TMEM156: variants seen among roughly 807,000 people sequenced by gnomAD.
TMEM156 encodes the protein transmembrane protein 156.
In TMEM156, 28 loss-of-function variants were observed where a neutral mutation model predicts 30.5. The observed-to-expected ratio is 0.92, with a 90% CI of 0.68 to 1.26. The LOEUF (loss-of-function observed/expected upper bound fraction) is 1.26. Among genes scored for constraint, TMEM156 ranks in the 50% most tolerant of loss-of-function variants. TMEM156 has a pLI of 0.00. For synonymous variants in TMEM156, 137 were observed against 119.9 expected (o/e 1.14, Z -0.93); for missense variants, 351 against 340.6 (o/e 1.03, Z -0.24).
chr4:39,021,629 A>G (rs1016508073), intron 1 of TMEM156, among the ~76,000 whole-genome samples: 3 of 152,176 alleles, frequency 2.0e-5, no homozygotes, highest in Non-Finnish European at 4.4e-5. Context: ...GCTATGCAGA[A>G]GATTTTTAGT....
At chr4:38,994,372 C>A (rs1712771138) in intron 2 of TMEM156, among the ~76,000 whole-genome samples, 1 of 152,152 alleles carries the variant, frequency 6.6e-6, no homozygotes, top group Admixed American at 6.6e-5. Flanking sequence ...GGGATCCTCC[C>A]TCCTCAGACT....
chr4:39,025,012 T>TA (rs1715107585), intron 1 of TMEM156, among the ~76,000 whole-genome samples: 2 of 152,314 alleles, frequency 1.3e-5, no homozygotes, highest in Admixed American at 6.5e-5. Flanking sequence ...AGACATTCAT[T>TA]AACATATGAT....
intron 1 of TMEM156, among the ~76,000 whole-genome samples, chr4:39,021,052 T>C (rs750101233): frequency 6.6e-6 from 1 of 152,250 alleles, no homozygotes; most frequent in African/African-American, 2.4e-5. Context: ...ATTTCCCTGA[T>C]GATTAGCGAT....
chr4:38,969,812 C>A (rs953856227), intron 6 of TMEM156, among the ~76,000 whole-genome samples: 1 of 152,106 alleles, frequency 6.6e-6, no homozygotes, highest in African/African-American at 2.4e-5. Flanking sequence ...AGGCTGGTCT[C>A]GAACCCCTGA....
chr4:38,989,734 A>G (rs1292890124), intron 3 of TMEM156, among the ~76,000 whole-genome samples: 2 of 152,198 alleles, frequency 1.3e-5, no homozygotes, highest in Non-Finnish European at 2.9e-5. Context: ...GGGTGGCATC[A>G]TCATAGCTAA....
At chr4:38,982,683 G>A (rs988872640) in intron 5 of TMEM156, among the ~76,000 whole-genome samples, 84 of 152,210 alleles carry the variant, frequency 5.5e-4, no homozygotes, top group African/African-American at 1.8e-3. Flanking sequence ...GAAGATGATA[G>A]TTAAATGAAT....
intron 1 of TMEM156, among the ~76,000 whole-genome samples, chr4:39,015,304 G>C (rs1202355331): frequency 6.6e-6 from 1 of 152,176 alleles, no homozygotes; most frequent in African/African-American, 2.4e-5. Flanking sequence ...AATTCAGGTT[G>C]TTAATCAGCT....
chr4:38,967,121 A>G lies in TMEM156; in HGVS notation c.*559T>C, dbSNP rs1722382882. 2 of 152,268 alleles carry G rather than the reference A, an allele frequency of 1.3e-5. No individual in the cohort carries two copies. Among genetic ancestry groups the G allele is most frequent in the Non-Finnish European group, 2.9e-5 (2 of 68,026 alleles). The allele number at this position is 152,268 out of a possible 1,614,324, so 9.4% of individuals were successfully genotyped here. On this transcript the variant is annotated 3_prime_UTR_variant, in exon 7 of 7. Coordinates refer to ENST00000381938, the MANE Select transcript of TMEM156 (RefSeq NM_024943.3). Reference sequence around the variant, plus strand: ...GGCCTCTTTGAATTTTTTTAAAAACATCCTGGTGCTAAAAGGCAGCAAGAT... The same window carrying G: ...GGCCTCTTTGAATTTTTTTAAAAACGTCCTGGTGCTAAAAGGCAGCAAGAT...
chr4:39,016,820 C>A (rs940777520), intron 1 of TMEM156, among the ~76,000 whole-genome samples: 1 of 151,996 alleles, frequency 6.6e-6, no homozygotes, highest in Non-Finnish European at 1.5e-5. Flanking sequence ...TCTATTCTCA[C>A]GCTGCTAATA....
chr4:39,012,182 T>C (rs1053380134), intron 1 of TMEM156, among the ~76,000 whole-genome samples: 1 of 152,300 alleles, frequency 6.6e-6, no homozygotes, highest in East Asian at 1.9e-4. Context: ...AAAAATGATA[T>C]AGTACTTAAA....
intron 1 of TMEM156, 73 bp from the exon 2 acceptor site, chr4:38,998,982 T>C: frequency 1.5e-6 from 2 of 1,364,052 alleles, no homozygotes; most frequent in South Asian, 1.5e-5. Flanking sequence ...AAATACACAG[T>C]ATGCTCCCAG....
At chr4:39,012,941 G>GAA (rs112921196) in intron 1 of TMEM156, among the ~76,000 whole-genome samples, 1 of 135,738 alleles carries the variant, frequency 7.4e-6, no homozygotes, top group African/African-American at 2.7e-5. Flanking sequence ...CTGTGTCTCA[G>GAA]AAAAAAAAAA....
intron 1 of TMEM156, among the ~76,000 whole-genome samples, chr4:39,004,463 A>G (rs1424590132): frequency 1.3e-5 from 2 of 152,268 alleles, no homozygotes; most frequent in African/African-American, 4.8e-5. Flanking sequence ...CCATGTACCT[A>G]TCACCCAGAT....
At chr4:38,970,022 A>G (rs1419458561) in intron 6 of TMEM156, among the ~76,000 whole-genome samples, 1 of 152,186 alleles carries the variant, frequency 6.6e-6, no homozygotes, top group Non-Finnish European at 1.5e-5. Context: ...CCAACAGTGT[A>G]AAAGAGTTCC....
chr4:38,969,762 T>C (rs4974982), intron 6 of TMEM156, among the ~76,000 whole-genome samples: 35,843 of 151,844 alleles, frequency 0.24, 4,297 homozygotes, highest in Middle Eastern at 0.3. Context: ...CTGGCTAATT[T>C]TTGTATTTTT....
chr4:39,001,215 A>G (rs1283798398), intron 1 of TMEM156, among the ~76,000 whole-genome samples: 1 of 31,056 alleles, frequency 3.2e-5, no homozygotes, highest in Admixed American at 4.7e-4. Flanking sequence ...CTAAAAATAC[A>G]AAAAAAAAAA....
chr4:38,972,502 C>T (rs943002547), intron 5 of TMEM156, among the ~76,000 whole-genome samples: 4 of 151,520 alleles, frequency 2.6e-5, no homozygotes, highest in Non-Finnish European at 5.9e-5. Context: ...CCACCTGCCT[C>T]GGCCTCCCAA....
chr4:38,987,183 T>C (rs1425315453), intron 4 of TMEM156, among the ~76,000 whole-genome samples: 3 of 152,206 alleles, frequency 2.0e-5, no homozygotes, highest in Non-Finnish European at 4.4e-5. Context: ...ACACTATTTA[T>C]AAATAACACA....
intron 2 of TMEM156, among the ~76,000 whole-genome samples, chr4:38,997,318 G>A (rs1353973143): frequency 6.6e-6 from 1 of 152,054 alleles, no homozygotes; most frequent in Admixed American, 6.5e-5. Flanking sequence ...TTACCTACTG[G>A]GTACAATGTT....
Sources: allele counts gnomAD v4.1 joint callset (sites outside exome capture counted in the v4.1 genomes callset), GRCh38; gene constraint gnomAD v4.1.1; transcripts MANE v1.5; gene names NCBI Gene and HGNC (gene_info 2026-07-23, HGNC 2026-07-21).